ZBTB7C: variants seen among roughly 807,000 people sequenced by gnomAD.
ZBTB7C encodes zinc finger and BTB domain containing 7C.
A neutral mutation model predicts 25.7 loss-of-function variants in ZBTB7C; 8 were observed. That is an observed-to-expected ratio of 0.31 (90% confidence interval 0.18 to 0.56). The LOEUF (loss-of-function observed/expected upper bound fraction) is 0.56, where lower values mean the gene tolerates loss of function less well. ZBTB7C is among the 20% of genes least tolerant of loss of function. The probability of loss-of-function intolerance (pLI) is 0.91; values close to 1 mark genes in which losing one functional copy is unlikely to be tolerated. For missense variants in ZBTB7C, 824 were observed against 855.2 expected, an observed-to-expected ratio of 0.96 and a Z score of 0.46; for synonymous variants, 394 against 369.0, an observed-to-expected ratio of 1.07 and a Z score of -0.78.
At chr18:48,056,779 A>G (rs550549772) in intron 3 of ZBTB7C, among the ~76,000 whole-genome samples, 1 of 152,350 alleles carries the variant, frequency 6.6e-6, no homozygotes, top group Non-Finnish European at 1.5e-5. Context: ...AGTTAAAAAA[A>G]GTAAATAAAA....
chr18:48,108,557 C>G (rs554035788), intron 3 of ZBTB7C, among the ~76,000 whole-genome samples: 1 of 152,066 alleles, frequency 6.6e-6, no homozygotes, highest in East Asian at 1.9e-4. Flanking sequence ...CCTCAGCCTC[C>G]CAGATAGTTA....
intron 2 of ZBTB7C, among the ~76,000 whole-genome samples, chr18:48,285,525 A>AT (rs1001005818): frequency 2.0e-5 from 3 of 152,018 alleles, no homozygotes; most frequent in Admixed American, 1.3e-4. Flanking sequence ...TTATTTAGCA[A>AT]TTTTTTTGTA....
intron 3 of ZBTB7C, among the ~76,000 whole-genome samples, chr18:48,115,239 T>C (rs1248387428): frequency 6.6e-6 from 1 of 152,128 alleles, no homozygotes; most frequent in Non-Finnish European, 1.5e-5. Context: ...ATGTTAAGCA[T>C]GTATCAGAAC....
At chr18:48,215,280 C>T (rs1322512285) in intron 2 of ZBTB7C, among the ~76,000 whole-genome samples, 2 of 151,992 alleles carry the variant, frequency 1.3e-5, no homozygotes, top group East Asian at 1.9e-4. Context: ...CAGTGTTGAC[C>T]AAAAAAGCCA....
chr18:48,162,934 C>A (rs184026414), intron 3 of ZBTB7C, among the ~76,000 whole-genome samples: 1 of 151,476 alleles, frequency 6.6e-6, no homozygotes, highest in East Asian at 1.9e-4. Context: ...TCATGCTCAG[C>A]ATGCAGTCAG....
intron 2 of ZBTB7C, among the ~76,000 whole-genome samples, chr18:48,308,976 G>C (rs2045746591): frequency 6.6e-6 from 1 of 152,150 alleles, no homozygotes; most frequent in Non-Finnish European, 1.5e-5. Context: ...GGGACCCCAG[G>C]AGCCCTACAG....
rs139060956 is a variant in ZBTB7C at position 48,309,464 on chromosome 18, G to A, written c.-79+28710C>T. On this transcript the variant is annotated intron_variant, in intron 2 of 4. Coordinates refer to ENST00000590800, the MANE Select transcript of ZBTB7C (RefSeq NM_001318841.2). ...GCAAATCCACAACCTTAAGCAGGAAGTGTAAAAAATGCTGAAGAGCACAGA... is the reference window on the plus strand; with the variant it reads ...GCAAATCCACAACCTTAAGCAGGAAATGTAAAAAATGCTGAAGAGCACAGA... 8.7e-3 allele frequency among the ~76,000 whole-genome samples: 1,320 copies of A among 152,354 alleles called. 19 individuals carry two copies. Among genetic ancestry groups the A allele is most frequent in the African/African-American group, 0.031 (1,270 of 41,574 alleles).
At chr18:48,395,536 A>G (rs2048011905) in intron 1 of ZBTB7C, among the ~76,000 whole-genome samples, 1 of 150,694 alleles carries the variant, frequency 6.6e-6, no homozygotes. Flanking sequence ...GGATCTGTGT[A>G]CTTGTGTTCT....
intron 3 of ZBTB7C, among the ~76,000 whole-genome samples, chr18:48,056,431 CAG>C (rs2036917805): frequency 6.6e-6 from 1 of 152,074 alleles, no homozygotes; most frequent in Admixed American, 6.5e-5. Flanking sequence ...ATTTTTGAAA[CAG>C]ATGAGTAACA....
At chr18:48,057,835 G>C (rs1183011904) in intron 3 of ZBTB7C, among the ~76,000 whole-genome samples, 4 of 152,178 alleles carry the variant, frequency 2.6e-5, no homozygotes, top group Non-Finnish European at 5.9e-5. Flanking sequence ...TGAGGCTCAA[G>C]GGAGAAATGG....
At chr18:48,142,262 G>A (rs2040371273) in intron 3 of ZBTB7C, among the ~76,000 whole-genome samples, 1 of 152,234 alleles carries the variant, frequency 6.6e-6, no homozygotes, top group South Asian at 2.1e-4. Flanking sequence ...GTCCTGCAGG[G>A]GCTGGAAGGC....
At chr18:48,120,166 C>T (rs1472518800) in intron 3 of ZBTB7C, among the ~76,000 whole-genome samples, 1 of 152,112 alleles carries the variant, frequency 6.6e-6, no homozygotes, top group Non-Finnish European at 1.5e-5. Flanking sequence ...AAGGGGGAAC[C>T]ATTGAGGAGT....
chr18:48,166,526 T>A (rs2041250712), intron 3 of ZBTB7C, among the ~76,000 whole-genome samples: 1 of 152,162 alleles, frequency 6.6e-6, no homozygotes, highest in African/African-American at 2.4e-5. Context: ...AGTCCCAACA[T>A]GAGTGATGTC....
rs371077041 is a variant in ZBTB7C at position 48,276,800 on chromosome 18, A to C, written c.-79+61374T>G. Among the ~76,000 whole-genome samples, 968 of 98,916 alleles carry C rather than the reference A, an allele frequency of 9.8e-3. 4 individuals are homozygous for C. The highest frequency in any genetic ancestry group is 0.021 in the South Asian group (46 of 2,168). The allele number at this position is 98,916 out of a possible 152,430, so 64.9% of individuals were successfully genotyped here. On this transcript the variant is annotated intron_variant, in intron 2 of 4. Coordinates refer to ENST00000590800, the MANE Select transcript of ZBTB7C (RefSeq NM_001318841.2). ...CTTTATAGCAGCATGATTTATAGTC[A>C]TTTGGGTATATACCCAGTAATGGGA...
intron 2 of ZBTB7C, among the ~76,000 whole-genome samples, chr18:48,266,633 A>AC (rs952394681): frequency 4.1e-4 from 63 of 151,972 alleles, no homozygotes; most frequent in African/African-American, 1.4e-3. Flanking sequence ...TGTCCACACA[A>AC]CCCCCCTAGC....
chr18:48,321,270 G>A (rs960528391), intron 2 of ZBTB7C, among the ~76,000 whole-genome samples: 1 of 152,180 alleles, frequency 6.6e-6, no homozygotes, highest in Admixed American at 6.5e-5. Flanking sequence ...TCAGCCACTT[G>A]CTCTCCCAGA....
chr18:48,384,994 T>C (rs1186172731), intron 1 of ZBTB7C, among the ~76,000 whole-genome samples: 1 of 152,190 alleles, frequency 6.6e-6, no homozygotes, highest in East Asian at 1.9e-4. Context: ...TGTTAGTGTA[T>C]TTTATGTGTG....
chr18:48,101,667 T>G (rs1484638836), intron 3 of ZBTB7C, among the ~76,000 whole-genome samples: 2 of 152,310 alleles, frequency 1.3e-5, no homozygotes, highest in East Asian at 3.9e-4. Context: ...CTATTATGCC[T>G]AGTTTACAGA....
At chr18:48,273,858 T>A (rs971541609) in intron 2 of ZBTB7C, among the ~76,000 whole-genome samples, 2 of 152,160 alleles carry the variant, frequency 1.3e-5, no homozygotes, top group African/African-American at 4.8e-5. Flanking sequence ...ATGAGTGATT[T>A]TTTATTTTTT....
Sources: gnomAD v4.1 joint callset for allele counts (sites outside exome capture counted in the v4.1 genomes callset) on GRCh38, gnomAD v4.1.1 for gene constraint, MANE v1.5 for transcripts, NCBI Gene and HGNC (gene_info 2026-07-23, HGNC 2026-07-21) for gene names.